FAM20A: variants seen among roughly 807,000 people sequenced by gnomAD.
The protein encoded by FAM20A is FAM20A golgi associated secretory pathway pseudokinase.
A neutral mutation model predicts 52.0 loss-of-function variants in FAM20A; 42 were observed. The observed-to-expected ratio is 0.81, with a 90% CI of 0.63 to 1.04. The LOEUF (loss-of-function observed/expected upper bound fraction) is 1.04. Ranked by LOEUF, FAM20A falls within the 50% of genes least tolerant of loss-of-function variation. FAM20A has a pLI of 0.00. For missense variants in FAM20A, 742 were observed against 712.7 expected (o/e 1.04, Z -0.47); for synonymous variants, 304 against 298.9 (o/e 1.02, Z -0.18).
chr17:68,600,481 C>G lies in FAM20A; in HGVS notation c.186G>C (p.Ser62=). ...AGTTGTGCACGATCGTGCCGGGGTC[C>G]GAGGCAGCTGCGGCCGAGTCCCGCG... ...SLARDSAAAA[S]DPGTIVHNFS... Residue 62 remains serine, a synonymous_variant, in exon 1 of 11, where the codon TCG becomes TCC. Coordinates refer to ENST00000592554, the MANE Select transcript of FAM20A (RefSeq NM_017565.4). The surrounding 1 kb of genome is among the most constrained non-coding windows in gnomAD (Gnocchi z 6.2). The G allele has an allele frequency of 6.2e-7, 1 of 1,602,924 alleles. No homozygotes were observed. Among genetic ancestry groups the G allele is most frequent in the Non-Finnish European group, 8.5e-7 (1 of 1,175,190 alleles).
chr17:68,552,121 C>T (rs553790717), intron 3 of FAM20A, among the ~76,000 whole-genome samples, 170 bp from the exon 4 acceptor site: 7 of 151,994 alleles, frequency 4.6e-5, no homozygotes, highest in South Asian at 4.2e-4. Context: ...GGTGTCAGGC[C>T]GTAGTGACGG....
At chr17:68,550,807 C>T (rs1720083148) in intron 4 of FAM20A, among the ~76,000 whole-genome samples, 2 of 152,188 alleles carry the variant, frequency 1.3e-5, no homozygotes, top group South Asian at 4.1e-4. Flanking sequence ...TTTAAAGCCT[C>T]CTTAAGTGAA....
Position 68,600,330 on chromosome 17 carries a change from C to T in FAM20A, c.337G>A (p.Glu113Lys), listed in dbSNP as rs774503922. 2.5e-6 allele frequency: 4 copies of T among 1,595,392 alleles called. No homozygotes were observed. Among genetic ancestry groups the T allele is most frequent in the Non-Finnish European group, 3.4e-6 (4 of 1,171,434 alleles). ...TCCTGGCTGGCCAGGAGCGAGTCCT[C>T]GGCTCCCAGGAGAGGCGGCTCCTCC... ...VPEEPPLLGA[E>K]DSLLASQEAL... Residue 113 changes from glutamate (E) to lysine (K), a missense_variant, in exon 1 of 11, where the codon GAG becomes AAG. Transcript: ENST00000592554. The surrounding 1 kb of genome is among the most constrained non-coding windows in gnomAD (Gnocchi z 6.2).
chr17:68,568,332 G>A (rs980241875), intron 1 of FAM20A, among the ~76,000 whole-genome samples: 6 of 151,766 alleles, frequency 4.0e-5, no homozygotes, highest in Non-Finnish European at 5.9e-5. Context: ...GCTAGGCGTG[G>A]TGGTGGGCGC....
At chr17:68,580,075 T>C (rs2087897786) in intron 1 of FAM20A, among the ~76,000 whole-genome samples, 2 of 152,224 alleles carry the variant, frequency 1.3e-5, no homozygotes, top group Non-Finnish European at 2.9e-5. Context: ...TATTCTCCTC[T>C]CCTCAAGCTC....
chr17:68,558,685 A>T (rs966077508), intron 1 of FAM20A, among the ~76,000 whole-genome samples: 5 of 152,060 alleles, frequency 3.3e-5, no homozygotes, highest in Non-Finnish European at 7.4e-5. Context: ...ATCTTTTTTT[A>T]AAAAATAAAT....
intron 1 of FAM20A, among the ~76,000 whole-genome samples, chr17:68,578,857 A>AAAT (rs2087852879): frequency 9.6e-5 from 2 of 20,804 alleles, no homozygotes; most frequent in Admixed American, 6.6e-4. Context: ...AAAAAAAAAA[A>AAAT]AAAAAAAAAT....
chr17:68,554,014 A>ACATATATACACACATACG (rs1555824460), intron 3 of FAM20A, among the ~76,000 whole-genome samples: 1 of 77,356 alleles, frequency 1.3e-5, no homozygotes, highest in African/African-American at 5.7e-5. Flanking sequence ...ATGCATATAT[A>ACATATATACACACATACG]CATATATACA....
rs948224533 is a variant in FAM20A, at chr17:68,539,443, C to T, written c.1302-47G>A. On this transcript the variant is annotated intron_variant, in intron 9 of 10. Coordinates refer to ENST00000592554, the MANE Select transcript of FAM20A (RefSeq NM_017565.4). The stretch of plus-strand genomic sequence containing the variant: ...TATGGGTGGCCGGCAGCATCCTTTG[C>T]ATTCCCCTGAGGCTTCCTCTCTCCT... 8 of 1,551,350 alleles carry T rather than the reference C, an allele frequency of 5.2e-6. No homozygotes were observed. In the Admixed American group the frequency reaches 6.7e-5, roughly 13 times the overall value.
At chr17:68,562,620 C>CG (rs11445570) in intron 1 of FAM20A, among the ~76,000 whole-genome samples, 1 of 151,806 alleles carries the variant, frequency 6.6e-6, no homozygotes, top group East Asian at 1.9e-4. Context: ...ATCCCCCCCC[C>CG]TTTTTATTTT....
chr17:68,558,925 A>G (rs968064412), intron 1 of FAM20A, among the ~76,000 whole-genome samples: 3 of 152,060 alleles, frequency 2.0e-5, no homozygotes, highest in Non-Finnish European at 4.4e-5. Context: ...TGCCTGGCTA[A>G]TTTTGTATTT....
At chr17:68,584,961 G>A (rs1388681803) in intron 1 of FAM20A, among the ~76,000 whole-genome samples, 1 of 152,212 alleles carries the variant, frequency 6.6e-6, no homozygotes, top group East Asian at 1.9e-4. Flanking sequence ...CGCTGATAAA[G>A]TTAGGCATTC....
chr17:68,539,867 A>G lies in FAM20A; in HGVS notation c.1301+18T>C. 2 of 1,612,776 alleles carry G rather than the reference A, an allele frequency of 1.2e-6. No homozygotes were observed. The highest frequency in any genetic ancestry group is 8.5e-7 in the Non-Finnish European group (1 of 1,178,836). On this transcript the variant is annotated intron_variant, in intron 9 of 10. Transcript: ENST00000592554. ...CATCTGGGAGAGGGGATTGTTGAACACACGTGGGGAAGCTCACCCTCTGGC... is the reference window on the plus strand; with the variant it reads ...CATCTGGGAGAGGGGATTGTTGAACGCACGTGGGGAAGCTCACCCTCTGGC...
intron 4 of FAM20A, among the ~76,000 whole-genome samples, chr17:68,545,838 A>G (rs2086528939): frequency 6.6e-6 from 1 of 152,218 alleles, no homozygotes; most frequent in African/African-American, 2.4e-5. Flanking sequence ...AGTAGATTCT[A>G]TCTCAAGAAA....
Position 68,536,493 on chromosome 17 carries a change from A to G in FAM20A, c.*984T>C, listed in dbSNP as rs763052457. The G allele has an allele frequency of 4.8e-5, 22 of 454,030 alleles. No individual in the cohort carries two copies. The highest frequency in any genetic ancestry group is 3.3e-4 in the South Asian group (21 of 64,480). The allele number at this position is 454,030 out of a possible 1,614,324, so 28.1% of individuals were successfully genotyped here. On this transcript the variant is annotated 3_prime_UTR_variant, in exon 11 of 11. Coordinates refer to ENST00000592554, the MANE Select transcript of FAM20A (RefSeq NM_017565.4). ...ACACTTTCTTCTAAGGGAGGCTTCA[A>G]TAAAAAACCTGACTTAGTCTTTTTT...
intron 1 of FAM20A, among the ~76,000 whole-genome samples, chr17:68,581,394 C>CTT (rs1294488220): frequency 2.1e-5 from 3 of 145,102 alleles, no homozygotes; most frequent in Non-Finnish European, 4.5e-5. Context: ...TTCTTTCTTT[C>CTT]TTTCTTTCTT....
At position 68,551,898 on chromosome 17, in the gene FAM20A, C is replaced by A. The variant is rs778699734; in HGVS notation, c.694G>T (p.Gly232Trp). ...CTCATGGGTTTGAACATGGCCTTCCCGAAATCCGAGAACCTCAGCACCAGC... is the reference window on the plus strand; with the variant it reads ...CTCATGGGTTTGAACATGGCCTTCCAGAAATCCGAGAACCTCAGCACCAGC... ...LKLVLRFSDF[G>W]KAMFKPMRQQ... is the part of the protein sequence containing the mutation. The change falls in exon 4 of 11, where the codon GGG becomes TGG. Residue 232 changes from glycine (G) to tryptophan (W), a missense_variant. By Grantham distance (184) the Gly-to-Trp change is radical. Transcript: ENST00000592554. The A allele has an allele frequency of 6.3e-7, 1 of 1,588,276 alleles. No individual in the cohort carries two copies. The highest frequency in any genetic ancestry group is 1.3e-5 in the African/African-American group (1 of 74,456).
intron 1 of FAM20A, among the ~76,000 whole-genome samples, chr17:68,576,676 T>C (rs1347121163): frequency 6.6e-6 from 1 of 152,188 alleles, no homozygotes; most frequent in African/African-American, 2.4e-5. Flanking sequence ...TAGTTACATG[T>C]AGTTGGGGAC....
chr17:68,583,418 T>C (rs546665381), intron 1 of FAM20A, among the ~76,000 whole-genome samples: 3 of 152,268 alleles, frequency 2.0e-5, no homozygotes, highest in African/African-American at 7.2e-5. Context: ...CTATTGGTGT[T>C]CCTCAACCTG....
Sources: gnomAD v4.1 joint callset for allele counts (sites outside exome capture counted in the v4.1 genomes callset) on GRCh38, gnomAD v4.1.1 for gene constraint, Gnocchi (gnomAD v3.1) non-coding constraint, MANE v1.5 for transcripts, NCBI Gene and HGNC (gene_info 2026-07-23, HGNC 2026-07-21) for gene names.